The following ARHGAP32 variants were observed in gnomAD, a reference collection of about 807,000 sequenced individuals.
The protein encoded by ARHGAP32 is Rho GTPase activating protein 32.
Under a neutral mutation model 186.5 loss-of-function variants are expected in ARHGAP32, and 51 were observed. The observed-to-expected ratio is 0.27, with a 90% CI of 0.22 to 0.35. The LOEUF is 0.35. ARHGAP32 is among the 10% of genes least tolerant of loss of function. The pLI is 1.00. For synonymous variants in ARHGAP32, 950 were observed against 964.3 expected (o/e 0.99, Z 0.27); for missense variants, 2,186 against 2,623.5 (o/e 0.83, Z 3.64).
intron 5 of ARHGAP32, among the ~76,000 whole-genome samples, chr11:129,103,100 C>T (rs986868780): frequency 2.6e-5 from 4 of 152,088 alleles, no homozygotes; most frequent in African/African-American, 9.7e-5. Flanking sequence ...ACATATGCTA[C>T]AACAGGGATG....
chr11:129,275,640 G>C (rs568840290), intron 1 of ARHGAP32, among the ~76,000 whole-genome samples: 2 of 152,336 alleles, frequency 1.3e-5, no homozygotes, highest in South Asian at 4.1e-4. Context: ...TTGAGGCTCT[G>C]CAGGCCGAGC....
chr11:129,105,430 T>C (rs1942021542), intron 5 of ARHGAP32, among the ~76,000 whole-genome samples: 1 of 152,202 alleles, frequency 6.6e-6, no homozygotes, highest in African/African-American at 2.4e-5. Context: ...TGAATGAGTA[T>C]TCCAGTACAG....
At chr11:128,989,516 TCACACACACACACA>T (rs56090706) in intron 12 of ARHGAP32, among the ~76,000 whole-genome samples, 10 of 138,926 alleles carry the variant, frequency 7.2e-5, no homozygotes, top group East Asian at 2.1e-4. Context: ...GTTTTTTATT[TCACACACACACACA>T]CACACACACA....
chr11:129,092,123 A>T (rs1941593856), intron 6 of ARHGAP32, among the ~76,000 whole-genome samples: 1 of 152,056 alleles, frequency 6.6e-6, no homozygotes, highest in South Asian at 2.1e-4. Context: ...TATCTAGGTC[A>T]CTAATACTGT....
At chr11:129,156,401 TA>T (rs1195853324) in intron 2 of ARHGAP32, among the ~76,000 whole-genome samples, 1 of 152,026 alleles carries the variant, frequency 6.6e-6, no homozygotes, top group Non-Finnish European at 1.5e-5. Context: ...TCGAGCTTGG[TA>T]GGGGGAGAGT....
chr11:128,987,102 T>C (rs1186000681), intron 13 of ARHGAP32, among the ~76,000 whole-genome samples: 1 of 152,194 alleles, frequency 6.6e-6, no homozygotes, highest in African/African-American at 2.4e-5. Context: ...AGAAATGCTT[T>C]CCCGAAGCAG....
At chr11:129,180,562 T>C (rs1444776202) in intron 1 of ARHGAP32, among the ~76,000 whole-genome samples, 13 of 152,142 alleles carry the variant, frequency 8.5e-5, no homozygotes, top group African/African-American at 1.9e-4. Flanking sequence ...TATTTATATA[T>C]ACATTATGGG....
At position 129,225,861 on chromosome 11, in the gene ARHGAP32, CTG is replaced by C. The variant is rs1441143938; in HGVS notation, c.-5+53283_-5+53284del. ...AATACGTTCAAAGAACTAAAGGAAA[CTG>C]TGCAAAGAAAGTATGAGAATGATGC... On this transcript the variant is annotated intron_variant, in intron 1 of 6. Coordinates refer to the ARHGAP32 transcript ENST00000525234. Among the ~76,000 whole-genome samples, 9 of 152,150 alleles carry C rather than the reference CTG, an allele frequency of 5.9e-5. No individual in the cohort carries two copies. The South Asian group carries it at 8.3e-4, about 14-fold the overall frequency.
At chr11:129,002,627 G>A (rs1017806464) in intron 11 of ARHGAP32, among the ~76,000 whole-genome samples, 1 of 152,042 alleles carries the variant, frequency 6.6e-6, no homozygotes, top group African/African-American at 2.4e-5. Context: ...CCAATACTAT[G>A]TTAAAGAAGA....
chr11:128,988,955 G>C (rs1455322297), intron 12 of ARHGAP32, among the ~76,000 whole-genome samples: 2 of 152,254 alleles, frequency 1.3e-5, no homozygotes, highest in East Asian at 3.9e-4. Context: ...ACAGACTTTA[G>C]TATGATCATT....
chr11:129,218,496 C>T (rs1379646610), intron 1 of ARHGAP32, among the ~76,000 whole-genome samples: 1 of 151,994 alleles, frequency 6.6e-6, no homozygotes, highest in Non-Finnish European at 1.5e-5. Context: ...TCCTACTTGT[C>T]CTAAATTAGC....
Position 128,994,558 on chromosome 11 carries a change from C to T in ARHGAP32, c.1195+3761G>A, listed in dbSNP as rs144232546. Among the ~76,000 whole-genome samples, 30 of 151,604 alleles carry T rather than the reference C, an allele frequency of 2.0e-4. No individual in the cohort carries two copies. In the East Asian group the frequency reaches 5.2e-3, roughly 27 times the overall value. On this transcript the variant is annotated intron_variant, in intron 12 of 22. Coordinates refer to ENST00000682385, the MANE Select transcript of ARHGAP32 (RefSeq NM_001378024.1). Reference sequence around the variant, plus strand: ...GGTCTCAAACCCCTAGGCTCAGGTGCTCTTCCCTTCTAGGCTTCCCAAAGA... The same window carrying T: ...GGTCTCAAACCCCTAGGCTCAGGTGTTCTTCCCTTCTAGGCTTCCCAAAGA...
chr11:129,174,286 G>A (rs1046656007), intron 1 of ARHGAP32, among the ~76,000 whole-genome samples: 28 of 152,338 alleles, frequency 1.8e-4, no homozygotes, highest in Admixed American at 1.8e-3. Flanking sequence ...GGCTCGGAGG[G>A]TCCTACGCCC....
At chr11:129,045,586 T>C (rs1393104405) in intron 10 of ARHGAP32, among the ~76,000 whole-genome samples, 2 of 152,246 alleles carry the variant, frequency 1.3e-5, no homozygotes, top group East Asian at 1.9e-4. Context: ...TATACTTTTC[T>C]AATGAATACT....
At chr11:129,207,618 G>C (rs1485570100) in intron 1 of ARHGAP32, among the ~76,000 whole-genome samples, 1 of 151,642 alleles carries the variant, frequency 6.6e-6, no homozygotes, top group Non-Finnish European at 1.5e-5. Context: ...TTTCTTTGTA[G>C]ATTCTGGATG....
At chr11:129,208,550 A>C (rs1485801223) in intron 1 of ARHGAP32, among the ~76,000 whole-genome samples, 1 of 152,194 alleles carries the variant, frequency 6.6e-6, no homozygotes, top group Non-Finnish European at 1.5e-5. Context: ...TATATCCACA[A>C]ATTAAGGAGG....
intron 11 of ARHGAP32, among the ~76,000 whole-genome samples, chr11:128,999,061 T>C (rs909475821): frequency 7.9e-5 from 12 of 152,218 alleles, no homozygotes; most frequent in East Asian, 3.8e-4. Flanking sequence ...ACAAGGGAGA[T>C]AACCATAAGG....
intron 2 of ARHGAP32, among the ~76,000 whole-genome samples, chr11:129,155,918 T>C (rs531197328): frequency 6.6e-6 from 1 of 152,064 alleles, no homozygotes; most frequent in South Asian, 2.1e-4. Context: ...GTGCAGCCCA[T>C]GGAAGGCGAG....
chr11:129,116,125 A>G (rs916135776), intron 5 of ARHGAP32, among the ~76,000 whole-genome samples: 4 of 152,078 alleles, frequency 2.6e-5, no homozygotes, highest in African/African-American at 9.7e-5. Flanking sequence ...GGGAGGCTAC[A>G]GAGAGACAGA....
Sources: gnomAD v4.1 joint callset for allele counts (sites outside exome capture counted in the v4.1 genomes callset) on GRCh38, gnomAD v4.1.1 for gene constraint, MANE v1.5 for transcripts, NCBI Gene and HGNC (gene_info 2026-07-23, HGNC 2026-07-21) for gene names.